Variants in SLCO1B1 observed in about 807,000 individuals in gnomAD.
SLCO1B1 encodes the protein OATP-2.
In SLCO1B1, 81 loss-of-function variants were observed where a neutral mutation model predicts 70.1. The observed-to-expected ratio is 1.16, with a 90% CI of 0.97 to 1.39. The LOEUF is 1.39. Ranked by LOEUF, SLCO1B1 falls within the 40% of genes most tolerant of loss-of-function variation. SLCO1B1 has a pLI of 0.00. For missense variants in SLCO1B1, 895 were observed against 799.6 expected, an observed-to-expected ratio of 1.12 and a Z score of -1.44; for synonymous variants, 283 against 271.5, an observed-to-expected ratio of 1.04 and a Z score of -0.42.
chr12:21,182,866 A>C (rs1591812145), intron 7 of SLCO1B1, among the ~76,000 whole-genome samples: 2 of 152,338 alleles, frequency 1.3e-5, no homozygotes, highest in South Asian at 4.1e-4. Flanking sequence ...GGGCCAGTGC[A>C]GAATGAGACA....
Position 21,217,202 on chromosome 12 carries a change from T to C in SLCO1B1, c.1581T>C (p.Asp527=). ...YSAHLGECPR[D]DACTRKFYFF... ...CCCATTTGGGTGAATGCCCAAGAGA[T>C]GATGCTTGTACAAGGAAATTTTACT... is the stretch of plus-strand genomic sequence containing the variant. The change falls in exon 12 of 15, where the codon GAT becomes GAC. Residue 527 remains aspartate, a synonymous_variant. Transcript: ENST00000256958. 6.2e-7 allele frequency: 1 copy of C among 1,613,704 alleles called. No homozygotes were observed. Among genetic ancestry groups the C allele is most frequent in the Non-Finnish European group, 8.5e-7 (1 of 1,179,668 alleles).
chr12:21,205,766 C>T, intron 10 of SLCO1B1, 102 bp from the exon 11 acceptor site: 15 of 760,544 alleles, frequency 2.0e-5, no homozygotes, highest in South Asian at 6.7e-5. Flanking sequence ...TACTTTTTTT[C>T]CCTCTTTCTC....
chr12:21,219,371 C>A (rs1941396280), intron 12 of SLCO1B1, among the ~76,000 whole-genome samples: 1 of 152,096 alleles, frequency 6.6e-6, no homozygotes, highest in African/African-American at 2.4e-5. Context: ...AGGTCAGCGT[C>A]CTGGTGTGAA....
chr12:21,199,494 C>A (rs762674836), intron 8 of SLCO1B1, among the ~76,000 whole-genome samples: 1 of 152,104 alleles, frequency 6.6e-6, no homozygotes, highest in Non-Finnish European at 1.5e-5. Flanking sequence ...TATCCCCTGG[C>A]TGCTTTCCTT....
intron 7 of SLCO1B1, among the ~76,000 whole-genome samples, chr12:21,180,349 A>G (rs190276967): frequency 2.1e-3 from 326 of 152,184 alleles, no homozygotes; most frequent in Non-Finnish European, 2.6e-3. Flanking sequence ...CAAAATGTGG[A>G]TCCTCTTAGA....
chr12:21,162,654 T>C (rs184857796), intron 2 of SLCO1B1, among the ~76,000 whole-genome samples: 62 of 152,294 alleles, frequency 4.1e-4, no homozygotes, highest in Non-Finnish European at 5.6e-4. Flanking sequence ...TGTATAATAC[T>C]TTTTTATGTA....
At position 21,222,372 on chromosome 12, in the gene SLCO1B1, GAAAAAAA is replaced by G. The variant is rs4149102; in HGVS notation, c.1747+28_1747+34del. ...TGGTTATACGAGCACTAGGTATGATGAAAAAAAAAAAAAAAAAAAAAAAAAATATATA... is the reference window on the plus strand; with the variant it reads ...TGGTTATACGAGCACTAGGTATGATGAAAAAAAAAAAAAAAAAAATATATA... On this transcript the variant is annotated intron_variant, in intron 13 of 14. Transcript: ENST00000256958. The G allele has an allele frequency of 9.2e-4, 23 of 24,938 alleles. No individual in the cohort carries two copies. The highest frequency in any genetic ancestry group is 0.015 in the Middle Eastern group (1 of 66). 1.5% of individuals were successfully genotyped at this position (24,938 alleles called of 1,614,324 possible). A position where few individuals can be genotyped will look rare whatever the true frequency, so the allele number is the denominator to read the frequency against.
intron 7 of SLCO1B1, among the ~76,000 whole-genome samples, chr12:21,181,843 G>A (rs1940902951): frequency 6.6e-6 from 1 of 152,032 alleles, no homozygotes; most frequent in South Asian, 2.1e-4. Flanking sequence ...TAGATGAATT[G>A]CATAGTGTAG....
At chr12:21,197,378 G>A (rs1467091301) in intron 8 of SLCO1B1, among the ~76,000 whole-genome samples, 190 bp downstream of exon 8, 3 of 152,026 alleles carry the variant, frequency 2.0e-5, no homozygotes, top group Non-Finnish European at 4.4e-5. Context: ...ATAACAAGTG[G>A]AAGAGAATTA....
chr12:21,224,743 AT>A lies in SLCO1B1; in HGVS notation c.1773del (p.Phe591LeufsTer4), dbSNP rs1941465387. 2 of 1,610,374 alleles carry A rather than the reference AT, an allele frequency of 1.2e-6. No homozygotes were observed. Among genetic ancestry groups the A allele is most frequent in the Non-Finnish European group, 1.7e-6 (2 of 1,177,490 alleles). ...RALGGILAPI[Y>X]FGALIDTTCI... ...ACAGGAGGAATTCTAGCTCCAATAT[AT>A]TTTGGGGCTCTGATTGATACAACGT... On this transcript the variant is annotated frameshift_variant, in exon 14 of 15. Coordinates refer to ENST00000256958, the MANE Select transcript of SLCO1B1 (RefSeq NM_006446.5). LOFTEE classifies it high-confidence loss of function.
At chr12:21,145,546 T>G (rs2121047928) in intron 2 of SLCO1B1, among the ~76,000 whole-genome samples, 1 of 147,140 alleles carries the variant, frequency 6.8e-6, no homozygotes, top group African/African-American at 2.5e-5. Flanking sequence ...CTTAAATTCC[T>G]AGGCTCAAGC....
intron 2 of SLCO1B1, among the ~76,000 whole-genome samples, chr12:21,148,461 G>C (rs541844993): frequency 1.4e-3 from 206 of 152,070 alleles, no homozygotes; most frequent in African/African-American, 4.5e-3. Flanking sequence ...TATATATTAA[G>C]AAGGGAATCC....
Position 21,239,067 on chromosome 12 carries a change from C to A in SLCO1B1, c.1954C>A (p.Gln652Lys). Residue 652 changes from glutamine to lysine, a missense_variant, in exon 15 of 15, where the codon CAA (glutamine) becomes AAA (lysine). Gln to Lys is a moderately conservative substitution (Grantham distance 53, BLOSUM62 1). Transcript: ENST00000256958. ...AATTTATGCCATGAAGAAAAAATAT[C>A]AAGAGAAAGATATCAATGCATCAGA... ...ILIYAMKKKY[Q>K]EKDINASENG... is the part of the protein sequence containing the mutation. The A allele has an allele frequency of 6.3e-7, 1 of 1,594,644 alleles. No homozygotes were observed. The highest frequency in any genetic ancestry group is 1.1e-5 in the South Asian group (1 of 90,116).
intron 7 of SLCO1B1, among the ~76,000 whole-genome samples, chr12:21,192,811 G>A (rs1941045984): frequency 1.3e-5 from 2 of 151,944 alleles, no homozygotes; most frequent in South Asian, 4.1e-4. Flanking sequence ...TTTGGATATG[G>A]AAATGAAATT....
At position 21,219,720 on chromosome 12, in the gene SLCO1B1, A is replaced by G. The variant is rs1161477114; in HGVS notation, c.1682+2417A>G. ...ATGAAGTAAATGAAATGAGTAAATG[A>G]AACAAATATGAGTCTCAGTTGTTTT... is the stretch of plus-strand genomic sequence containing the variant. On this transcript the variant is annotated intron_variant, in intron 12 of 14. Coordinates refer to ENST00000256958, the MANE Select transcript of SLCO1B1 (RefSeq NM_006446.5). 4.6e-5 allele frequency among the ~76,000 whole-genome samples: 7 copies of G among 152,246 alleles called. No homozygotes were observed. In the East Asian group the frequency reaches 1.4e-3, roughly 29 times the overall value.
intron 14 of SLCO1B1, among the ~76,000 whole-genome samples, chr12:21,225,340 G>A (rs1326712773): frequency 2.6e-5 from 4 of 151,948 alleles, no homozygotes; most frequent in African/African-American, 4.8e-5. Context: ...TACTCTATTC[G>A]TGGGGAGAGA....
At chr12:21,154,153 T>C (rs1680664287) in intron 2 of SLCO1B1, among the ~76,000 whole-genome samples, 2 of 152,102 alleles carry the variant, frequency 1.3e-5, no homozygotes, top group Non-Finnish European at 2.9e-5. Context: ...CCTATCTCTC[T>C]CATAACAAGA....
intron 7 of SLCO1B1, among the ~76,000 whole-genome samples, chr12:21,181,752 C>T (rs1414079933): frequency 6.6e-6 from 1 of 151,938 alleles, no homozygotes; most frequent in Non-Finnish European, 1.5e-5. Flanking sequence ...TTAAATTATG[C>T]TCGTCCACTT....
intron 11 of SLCO1B1, among the ~76,000 whole-genome samples, chr12:21,214,902 A>G (rs966587935): frequency 3.3e-5 from 5 of 151,858 alleles, no homozygotes; most frequent in Admixed American, 2.0e-4. Flanking sequence ...AAGCCAGGCA[A>G]TGCCTCGCCC....
Sources: gnomAD v4.1 joint callset for allele counts (sites outside exome capture counted in the v4.1 genomes callset) on GRCh38, gnomAD v4.1.1 for gene constraint, MANE v1.5 for transcripts, NCBI Gene and HGNC (gene_info 2026-07-23, HGNC 2026-07-21) for gene names.